The following RAP1GAP2 variants were observed in gnomAD, a reference collection of about 807,000 sequenced individuals.
RAP1GAP2 encodes the protein rap1 GTPase-activating protein 2.
Under a neutral mutation model 95.0 loss-of-function variants are expected in RAP1GAP2, and 27 were observed. That is an observed-to-expected ratio of 0.28 (90% CI 0.21 to 0.39). The LOEUF is 0.39. RAP1GAP2 is among the 10% of genes least tolerant of loss of function. The pLI is 1.00. For synonymous variants in RAP1GAP2, 373 were observed against 380.9 expected (o/e 0.98, Z 0.24); for missense variants, 771 against 970.0 (o/e 0.79, Z 2.72).
Position 2,921,713 on chromosome 17 carries a change from C to CTA in RAP1GAP2, c.165+16345_165+16346insTA, listed in dbSNP as rs1567780875. Among the ~76,000 whole-genome samples the CTA allele has an allele frequency of 4.6e-5, 7 of 151,228 alleles. No homozygotes were observed. The East Asian group carries it at 1.4e-3, about 30-fold the overall frequency. On this transcript the variant is annotated intron_variant, in intron 3 of 24. Transcript: ENST00000254695. Reference sequence around the variant, plus strand: ...AGGTGTCCGCAGGGCCGTTATGTGTCCACAGGGCCGTTAAGGTGTCAGCAG... The same window carrying CTA: ...AGGTGTCCGCAGGGCCGTTATGTGTCTACACAGGGCCGTTAAGGTGTCAGCAG...
At chr17:2,927,414 A>G (rs983925047) in intron 3 of RAP1GAP2, among the ~76,000 whole-genome samples, 4 of 152,006 alleles carry the variant, frequency 2.6e-5, no homozygotes, top group East Asian at 1.9e-4. Context: ...TGGCCTCCCA[A>G]AGTGCTGGGA....
intron 2 of RAP1GAP2, among the ~76,000 whole-genome samples, chr17:2,897,729 T>G (rs1487997088): frequency 6.6e-6 from 1 of 151,988 alleles, no homozygotes; most frequent in Non-Finnish European, 1.5e-5. Context: ...GCCTCTTCCT[T>G]GGAGAAGAGA....
At chr17:2,942,664 G>A (rs1451916033) in intron 3 of RAP1GAP2, among the ~76,000 whole-genome samples, 1 of 152,146 alleles carries the variant, frequency 6.6e-6, no homozygotes, top group Non-Finnish European at 1.5e-5. Context: ...AAAAATTGGT[G>A]AAATTTATAT....
intron 2 of RAP1GAP2, among the ~76,000 whole-genome samples, chr17:2,835,576 C>T (rs1392286514): frequency 6.6e-6 from 1 of 152,182 alleles, no homozygotes; most frequent in African/African-American, 2.4e-5. Flanking sequence ...TCTTTAAATA[C>T]AGAACAGAGC....
chr17:2,769,232 T>TAAAAAAAAAAA lies in RAP1GAP2; in HGVS notation c.51-1067_51-1057dup, dbSNP rs58436827. On this transcript the variant is annotated intron_variant, in intron 1 of 25. Coordinates refer to the RAP1GAP2 transcript ENST00000637138. ...GGATGAGAAAGTGAAACCATTTCTC[T>TAAAAAAAAAAA]AAAAAAAAAAAAAAAAAAAAAAAAA... 7.0e-5 allele frequency among the ~76,000 whole-genome samples: 3 copies of TAAAAAAAAAAA among 42,872 alleles called. 1 individual carries two copies. The highest frequency in any genetic ancestry group is 1.9e-4 in the African/African-American group (2 of 10,406). 28.1% of individuals were successfully genotyped at this position (42,872 alleles called of 152,430 possible).
intron 2 of RAP1GAP2, among the ~76,000 whole-genome samples, chr17:2,830,357 T>A (rs2070769355): frequency 6.6e-6 from 1 of 151,982 alleles, no homozygotes; most frequent in East Asian, 1.9e-4. Context: ...GAGGTTGCAG[T>A]GAGCCGAGGA....
At chr17:2,967,157 A>C (rs2044642497) in intron 8 of RAP1GAP2, among the ~76,000 whole-genome samples, 1 of 152,120 alleles carries the variant, frequency 6.6e-6, no homozygotes, top group Non-Finnish European at 1.5e-5. Context: ...TCACGAGGTC[A>C]GGAGATCGAG....
intron 2 of RAP1GAP2, among the ~76,000 whole-genome samples, chr17:2,842,319 C>T (rs2071400856): frequency 6.6e-6 from 1 of 152,032 alleles, no homozygotes; most frequent in African/African-American, 2.4e-5. Flanking sequence ...CACCTGAGGT[C>T]AGGAGTTCGA....
intron 4 of RAP1GAP2, among the ~76,000 whole-genome samples, chr17:2,960,832 A>T (rs73976736): frequency 1.3e-5 from 2 of 152,172 alleles, no homozygotes; most frequent in East Asian, 1.9e-4. Context: ...GTACCGTCTC[A>T]TACTGTCACC....
upstream of RAP1GAP2, among the ~76,000 whole-genome samples, chr17:2,775,003 G>A (rs201579136): frequency 7.6e-6 from 1 of 131,662 alleles, no homozygotes; most frequent in African/African-American, 2.8e-5. Context: ...TTTTTTTTTT[G>A]TATTTTTAGT....
At chr17:2,890,465 G>T (rs1455672036) in intron 2 of RAP1GAP2, among the ~76,000 whole-genome samples, 2 of 152,006 alleles carry the variant, frequency 1.3e-5, no homozygotes, top group African/African-American at 4.8e-5. Context: ...TAGCTGGAAG[G>T]CCGGTTGGCT....
intron 8 of RAP1GAP2, among the ~76,000 whole-genome samples, chr17:2,968,146 A>G (rs2044698834): frequency 6.6e-6 from 1 of 152,206 alleles, no homozygotes; most frequent in Non-Finnish European, 1.5e-5. Flanking sequence ...ATTTTCCACA[A>G]ACCTCTAGAA....
In RAP1GAP2 at chr17:2,903,408, C is replaced by T. The variant is rs927586448; in HGVS notation, c.81-1876C>T. On this transcript the variant is annotated intron_variant, in intron 2 of 24. Coordinates refer to ENST00000254695, the MANE Select transcript of RAP1GAP2 (RefSeq NM_015085.5). The surrounding 1 kb of genome is among the most constrained non-coding windows in gnomAD (Gnocchi z 4.1). ...GGCAGAGCAGCCAGACTGGAGCCTA[C>T]GGTGGTAATGTCCAAGGCCGTACAT... 1.1e-4 allele frequency among the ~76,000 whole-genome samples: 17 copies of T among 152,108 alleles called. No individual in the cohort carries two copies. Among genetic ancestry groups the T allele is most frequent in the Non-Finnish European group, 1.8e-4 (12 of 68,030 alleles).
At chr17:2,819,022 A>ATT (rs894511598) in intron 2 of RAP1GAP2, among the ~76,000 whole-genome samples, 6 of 141,056 alleles carry the variant, frequency 4.3e-5, no homozygotes, top group South Asian at 2.3e-4. Flanking sequence ...TGTAAAGTCT[A>ATT]TTTTTTTTTT....
intron 3 of RAP1GAP2, among the ~76,000 whole-genome samples, chr17:2,953,718 A>G (rs1056920753): frequency 6.6e-6 from 1 of 152,090 alleles, no homozygotes; most frequent in African/African-American, 2.4e-5. Context: ...ATGGGGGCGC[A>G]TGCCTGTAAT....
At chr17:2,875,702 G>A (rs1427094434) in intron 2 of RAP1GAP2, among the ~76,000 whole-genome samples, 1 of 151,984 alleles carries the variant, frequency 6.6e-6, no homozygotes, top group Non-Finnish European at 1.5e-5. Context: ...TGTCCTCCTG[G>A]TTTCCCTCCG....
intron 2 of RAP1GAP2, among the ~76,000 whole-genome samples, chr17:2,880,974 A>G (rs2073262957): frequency 6.6e-6 from 1 of 151,596 alleles, no homozygotes; most frequent in South Asian, 2.1e-4. Context: ...TAAAAATACA[A>G]AAATTAGCCA....
At position 2,942,943 on chromosome 17, in the gene RAP1GAP2, AT is replaced by A. The variant is rs1567804374; in HGVS notation, c.166-14811del. The stretch of plus-strand genomic sequence containing the variant: ...CCACCCACGCCTAGCTAATTTTTGT[AT>A]TTTTAGTAGAGATGGGGTTTCACCA... On this transcript the variant is annotated intron_variant, in intron 3 of 24. Coordinates refer to ENST00000254695, the MANE Select transcript of RAP1GAP2 (RefSeq NM_015085.5). Among the ~76,000 whole-genome samples the A allele has an allele frequency of 2.0e-5, 3 of 151,828 alleles. No homozygotes were observed. The East Asian group carries it at 5.8e-4, about 29-fold the overall frequency.
chr17:2,991,169 T>C (rs2045738863), intron 11 of RAP1GAP2, 128 bp from the exon 12 acceptor site: 2 of 738,630 alleles, frequency 2.7e-6, no homozygotes. Context: ...TGAGGGCAGC[T>C]ATGGTGGATG....
Sources: allele counts gnomAD v4.1 joint callset (sites outside exome capture counted in the v4.1 genomes callset), GRCh38; gene constraint gnomAD v4.1.1; non-coding constraint Gnocchi (gnomAD v3.1); transcripts MANE v1.5; gene names NCBI Gene and HGNC (gene_info 2026-07-23, HGNC 2026-07-21).